The following PCDH15 variants were observed in gnomAD, a reference collection of about 807,000 sequenced individuals.
The protein encoded by PCDH15 is protocadherin related 15.
In PCDH15, 129 loss-of-function variants were observed where a neutral mutation model predicts 178.5. That is an observed-to-expected ratio of 0.72 (90% CI 0.63 to 0.84). The LOEUF (loss-of-function observed/expected upper bound fraction) is 0.84. PCDH15 is among the 40% of genes least tolerant of loss of function. PCDH15 has a pLI of 0.00. For missense variants in PCDH15, 2,230 were observed against 2,099.9 expected, an observed-to-expected ratio of 1.06 and a Z score of -1.21; for synonymous variants, 800 against 732.0, an observed-to-expected ratio of 1.09 and a Z score of -1.50.
At chr10:54,091,391 C>G (rs16937899) in intron 15 of PCDH15, among the ~76,000 whole-genome samples, 45,817 of 152,010 alleles carry the variant, frequency 0.3, 7,434 homozygotes, top group African/African-American at 0.42. Context: ...TCAGTGACTA[C>G]ATAATAACTG....
chr10:54,273,710 A>G (rs1413120410), intron 8 of PCDH15, among the ~76,000 whole-genome samples: 4 of 152,124 alleles, frequency 2.6e-5, no homozygotes, highest in Non-Finnish European at 4.4e-5. Context: ...AACAACTTCA[A>G]AAGTACAGTC....
intron 2 of PCDH15, among the ~76,000 whole-genome samples, chr10:55,356,326 A>G (rs1448585360): frequency 2.6e-5 from 4 of 151,840 alleles, no homozygotes; most frequent in African/African-American, 4.8e-5. Context: ...AAAAAGGAGA[A>G]GAGGAAAAAA....
chr10:55,199,066 G>T lies in PCDH15; in HGVS notation c.-155-32415C>A, dbSNP rs536444221. On this transcript the variant is annotated intron_variant, in intron 1 of 5. Transcript: ENST00000458638. ...GCATTGCTATAAAGATGCCTGAAAA[G>T]GTGGAAGCAACTTTTGGAACTGTGT... Among the ~76,000 whole-genome samples, 34 of 152,176 alleles carry T rather than the reference G, an allele frequency of 2.2e-4. 1 individual carries two copies. The highest frequency in any genetic ancestry group is 8.2e-4 in the African/African-American group (34 of 41,452).
At chr10:54,719,859 A>T (rs886145126) in intron 1 of PCDH15, among the ~76,000 whole-genome samples, 5 of 148,026 alleles carry the variant, frequency 3.4e-5, no homozygotes, top group African/African-American at 1.3e-4. Context: ...ACATGATCTC[A>T]TTCTTTTTAT....
chr10:54,764,440 G>A (rs1161235406), intron 1 of PCDH15, among the ~76,000 whole-genome samples: 1 of 151,786 alleles, frequency 6.6e-6, no homozygotes, highest in Non-Finnish European at 1.5e-5. Context: ...AAATATAGCT[G>A]GGAGTAAGAA....
At chr10:54,382,069 A>G (rs958934516) in intron 3 of PCDH15, among the ~76,000 whole-genome samples, 2 of 152,180 alleles carry the variant, frequency 1.3e-5, no homozygotes, top group African/African-American at 2.4e-5. Context: ...AATCGTGTTA[A>G]AAATATTAGC....
In PCDH15 at chr10:54,057,264, C is replaced by G. The variant is rs1050729608; in HGVS notation, c.2220+9493G>C. Among the ~76,000 whole-genome samples the G allele has an allele frequency of 6.6e-5, 10 of 152,360 alleles. No individual in the cohort carries two copies. The East Asian group carries it at 1.9e-3, about 29-fold the overall frequency. The stretch of plus-strand genomic sequence containing the variant: ...GGGACTCTGTGTGGGGGCTCCCACC[C>G]ACATTTCCCTTCTGCACTACCCTGG... On this transcript the variant is annotated intron_variant, in intron 18 of 37. Coordinates refer to ENST00000644397, the MANE Select transcript of PCDH15 (RefSeq NM_001384140.1).
chr10:54,258,458 T>TGA, intron 8 of PCDH15, among the ~76,000 whole-genome samples: 1 of 152,140 alleles, frequency 6.6e-6, no homozygotes, highest in South Asian at 2.1e-4. Flanking sequence ...AAGTGATTGC[T>TGA]TCGACTGGAG....
intron 2 of PCDH15, among the ~76,000 whole-genome samples, chr10:55,082,073 T>A (rs1162202869): frequency 6.6e-6 from 1 of 152,272 alleles, no homozygotes; most frequent in East Asian, 1.9e-4. Context: ...ATAGACCAAA[T>A]GGACCTAACA....
chr10:55,587,255 A>G (rs1343038138), intron 2 of PCDH15, among the ~76,000 whole-genome samples: 3 of 152,148 alleles, frequency 2.0e-5, no homozygotes, highest in African/African-American at 7.2e-5. Flanking sequence ...TCAATATAGT[A>G]AAGATGGAGT....
At chr10:54,712,740 G>A (rs1162338474) in intron 1 of PCDH15, among the ~76,000 whole-genome samples, 7 of 151,928 alleles carry the variant, frequency 4.6e-5, no homozygotes, top group Non-Finnish European at 1.0e-4. Context: ...GATGAGAAGA[G>A]CTAACCAACT....
rs79854148 is a variant in PCDH15, at chr10:53,822,019, T to C, written c.4368-1789A>G. On this transcript the variant is annotated intron_variant, in intron 32 of 37. Transcript: ENST00000644397. ...TTTGTGCGTAGATAGTTTTTTTCTA[T>C]TTGACTGTACATGTTAGCTACTGAT... 6.7e-3 allele frequency: 10,746 copies of C among 1,614,002 alleles called. 643 individuals carry two copies. The African/African-American group carries it at 0.12, about 19-fold the overall frequency.
intron 2 of PCDH15, among the ~76,000 whole-genome samples, chr10:55,346,062 A>C (rs1309396971): frequency 6.6e-6 from 1 of 152,164 alleles, no homozygotes. Flanking sequence ...CATACTCACA[A>C]ACCTTAGCTA....
At chr10:54,569,111 GA>G (rs1397556848) in intron 2 of PCDH15, among the ~76,000 whole-genome samples, 7 of 151,296 alleles carry the variant, frequency 4.6e-5, no homozygotes, top group South Asian at 2.1e-4. Flanking sequence ...AAAAATAAAA[GA>G]AAAAAAGCAA....
chr10:55,104,065 A>C (rs1842626116), intron 2 of PCDH15, among the ~76,000 whole-genome samples: 1 of 152,136 alleles, frequency 6.6e-6, no homozygotes, highest in Non-Finnish European at 1.5e-5. Context: ...ACACATATAC[A>C]TACATACACA....
intron 25 of PCDH15, among the ~76,000 whole-genome samples, chr10:53,914,206 T>A (rs946035092): frequency 6.6e-6 from 1 of 152,182 alleles, no homozygotes; most frequent in East Asian, 1.9e-4. Context: ...GACAGTGTGG[T>A]GATTCCTCAA....
chr10:55,369,237 A>G (rs772399614), intron 2 of PCDH15, among the ~76,000 whole-genome samples: 6 of 151,952 alleles, frequency 3.9e-5, no homozygotes, highest in Non-Finnish European at 8.8e-5. Flanking sequence ...ATTTCAGCTA[A>G]AACATAAAAT....
At position 54,897,107 on chromosome 10, in the gene PCDH15, G is replaced by A. The variant is rs539341208; in HGVS notation, c.-29+343C>T. 4.6e-5 allele frequency among the ~76,000 whole-genome samples: 7 copies of A among 152,294 alleles called. No homozygotes were observed. In the South Asian group the frequency reaches 1.5e-3, roughly 32 times the overall value. On this transcript the variant is annotated intron_variant, in intron 3 of 5. Coordinates refer to the PCDH15 transcript ENST00000458638. ...AATGTTTCTACATGAGTTACATTCTGTGTATGAATTGCTGCATGACAGTTG... is the reference window on the plus strand; with the variant it reads ...AATGTTTCTACATGAGTTACATTCTATGTATGAATTGCTGCATGACAGTTG...
At chr10:54,339,501 T>C (rs1941834651) in intron 6 of PCDH15, among the ~76,000 whole-genome samples, 1 of 152,146 alleles carries the variant, frequency 6.6e-6, no homozygotes, top group Non-Finnish European at 1.5e-5. Flanking sequence ...TACTACCAAG[T>C]TCCAACAGAT....
Sources: allele counts gnomAD v4.1 joint callset (sites outside exome capture counted in the v4.1 genomes callset), GRCh38; gene constraint gnomAD v4.1.1; transcripts MANE v1.5; gene names NCBI Gene and HGNC (gene_info 2026-07-23, HGNC 2026-07-21).